HPS3: variants seen among roughly 807,000 people sequenced by gnomAD.
HPS3 encodes the protein BLOC-2 complex member HPS3.
In HPS3, 79 loss-of-function variants were observed where a neutral mutation model predicts 110.9. The ratio of observed to expected loss-of-function variants is 0.71; its 90% CI spans 0.59 to 0.86. The LOEUF is 0.86. HPS3 is among the 40% of genes least tolerant of loss of function. The pLI, the probability that HPS3 is intolerant of heterozygous loss-of-function variation, is 0.00. For missense variants in HPS3, 1,197 were observed against 1,206.2 expected, an observed-to-expected ratio of 0.99 and a Z score of 0.11; for synonymous variants, 428 against 451.0, an observed-to-expected ratio of 0.95 and a Z score of 0.65.
Position 149,172,229 on chromosome 3 carries a change from C to T in HPS3, c.*7C>T. On this transcript the variant is annotated 3_prime_UTR_variant, in exon 17 of 17. Coordinates refer to ENST00000296051, the MANE Select transcript of HPS3 (RefSeq NM_032383.5). ...AAAGAAACCATTGACTTAAAGGTATCATTTGAAAAATACCATAATGGCATT... is the reference window on the plus strand; with the variant it reads ...AAAGAAACCATTGACTTAAAGGTATTATTTGAAAAATACCATAATGGCATT... 6.3e-7 allele frequency: 1 copy of T among 1,599,434 alleles called. No individual in the cohort carries two copies. Among genetic ancestry groups the T allele is most frequent in the Non-Finnish European group, 8.5e-7 (1 of 1,170,672 alleles).
intron 5 of HPS3, among the ~76,000 whole-genome samples, chr3:149,149,319 C>T (rs185107928): frequency 2.2e-4 from 33 of 152,156 alleles, no homozygotes; most frequent in Admixed American, 1.9e-3. Context: ...GCGGTCATAG[C>T]TATTCTCATC....
intron 4 of HPS3, 139 bp downstream of exon 4, chr3:149,141,519 G>GC (rs1722453970): frequency 2.7e-6 from 1 of 368,672 alleles, no homozygotes; most frequent in Non-Finnish European, 4.9e-6. Context: ...CTTTAACAAA[G>GC]TTTTTTTTTT....
chr3:149,147,989 A>G (rs2177393), intron 5 of HPS3, among the ~76,000 whole-genome samples: 83,476 of 151,558 alleles, frequency 0.55, 23,446 homozygotes, highest in South Asian at 0.68. Context: ...TCCTGCCTCA[A>G]CCTCCCAAGT....
In HPS3 at chr3:149,157,548, G is replaced by T. The variant is rs188641060; in HGVS notation, c.1691+17G>T. Reference sequence around the variant, plus strand: ...TTACAGCAGGTGGGTGACACCTCTTGGAACCTTGTTACAGAAGTCATCTTG... The same window carrying T: ...TTACAGCAGGTGGGTGACACCTCTTTGAACCTTGTTACAGAAGTCATCTTG... On this transcript the variant is annotated intron_variant, in intron 9 of 16. Transcript: ENST00000296051. 77 of 1,612,132 alleles carry T rather than the reference G, an allele frequency of 4.8e-5. No homozygotes were observed. The East Asian group carries it at 1.6e-3, about 34-fold the overall frequency.
chr3:149,166,064 G>T (rs532728851), intron 14 of HPS3: 1 of 455,048 alleles, frequency 2.2e-6, no homozygotes, highest in Non-Finnish European at 4.4e-6. Context: ...TAGCAAAAAG[G>T]GTACAGGGAC....
rs2108168793 is a variant in HPS3 at position 149,162,338 on chromosome 3, G to T, written c.2292+5G>T. ...GAAGCAGATTCCTTTTTTAAGGTTT[G>T]TCACTTTGAAAATGTGATTTTTCTG... On this transcript the variant is annotated splice_donor_5th_base_variant and intron_variant, in intron 12 of 16. Coordinates refer to ENST00000296051, the MANE Select transcript of HPS3 (RefSeq NM_032383.5). The T allele has an allele frequency of 6.2e-7, 1 of 1,613,388 alleles. No homozygotes were observed. Among genetic ancestry groups the T allele is most frequent in the African/African-American group, 1.3e-5 (1 of 75,028 alleles).
At chr3:149,152,586 C>T (rs886210240) in intron 6 of HPS3, among the ~76,000 whole-genome samples, 1 of 152,176 alleles carries the variant, frequency 6.6e-6, no homozygotes, top group Non-Finnish European at 1.5e-5. Context: ...TTTAGCCCAC[C>T]TGCTGACTCA....
intron 13 of HPS3, 72 bp from the exon 14 acceptor site, chr3:149,163,770 T>A (rs1724125545): frequency 2.4e-6 from 2 of 823,990 alleles, no homozygotes; most frequent in Non-Finnish European, 4.2e-6. Flanking sequence ...ATGATTGCTT[T>A]GCTCTTTGTG....
At chr3:149,130,267 A>C (rs931322373) in intron 1 of HPS3, 1 of 424,016 alleles carries the variant, frequency 2.4e-6, no homozygotes, top group Non-Finnish European at 4.3e-6. Context: ...TCTTTAGTGC[A>C]TCAGATTTCA....
intron 5 of HPS3, among the ~76,000 whole-genome samples, chr3:149,149,120 ATT>A (rs777091621): frequency 1.9e-3 from 263 of 136,522 alleles, no homozygotes; most frequent in African/African-American, 6.5e-3. Flanking sequence ...CGCCCAGCTA[ATT>A]TTTTTTTTTT....
At position 149,145,348 on chromosome 3, in the gene HPS3, A is replaced by G. The variant is rs774178297; in HGVS notation, c.971-6A>G. On this transcript the variant is annotated splice_polypyrimidine_tract_variant and splice_region_variant and intron_variant, in intron 4 of 16. Coordinates refer to ENST00000296051, the MANE Select transcript of HPS3 (RefSeq NM_032383.5). ...GGTGTTTTATTTCTTTCATTTTTGCATGCAGGTTCTCTTACATCTGATGGA... is the reference window on the plus strand; with the variant it reads ...GGTGTTTTATTTCTTTCATTTTTGCGTGCAGGTTCTCTTACATCTGATGGA... 2.6e-5 allele frequency: 42 copies of G among 1,604,560 alleles called. 1 individual carries two copies. The South Asian group carries it at 4.2e-4, about 16-fold the overall frequency.
At chr3:149,146,901 A>G (rs971352927) in intron 5 of HPS3, among the ~76,000 whole-genome samples, 3 of 152,244 alleles carry the variant, frequency 2.0e-5, no homozygotes, top group African/African-American at 7.2e-5. Flanking sequence ...AGTTTTAACC[A>G]GAGAAAGTAA....
At position 149,151,587 on chromosome 3, in the gene HPS3, T is replaced by TAAAAA. The variant is rs1167453087; in HGVS notation, c.1245+932_1245+936dup. ...AGTGAGAAGTAAAGTGCTTGGTTTC[T>TAAAAA]AAAAAAAAAAAAAAAAAAAAAAAAA... On this transcript the variant is annotated intron_variant, in intron 6 of 16. Transcript: ENST00000296051. Among the ~76,000 whole-genome samples, 49 of 40,338 alleles carry TAAAAA rather than the reference T, an allele frequency of 1.2e-3. 6 individuals carry two copies. Among genetic ancestry groups the TAAAAA allele is most frequent in the South Asian group, 9.7e-3 (8 of 822 alleles). 26.5% of individuals were successfully genotyped at this position (40,338 alleles called of 152,430 possible).
At chr3:149,148,947 G>GC (rs1475056593) in intron 5 of HPS3, among the ~76,000 whole-genome samples, 1 of 129,740 alleles carries the variant, frequency 7.7e-6, no homozygotes, top group African/African-American at 3.0e-5. Flanking sequence ...AGGGAACCCT[G>GC]CCTTTTTTTT....
Position 149,162,208 on chromosome 3 carries a change from C to G in HPS3, c.2167C>G (p.Gln723Glu), listed in dbSNP as rs866231304. The part of the protein sequence containing the change: ...PRLLIQQRKG[Q>E]IVPTELALHL... ...GCTGTTGATTCAACAGAGAAAGGGA[C>G]AGATTGTTCCAACCGAGCTTGCACT... is the stretch of plus-strand genomic sequence containing the variant. The change falls in exon 12 of 17, where the codon CAG (glutamine) becomes GAG (glutamate). Residue 723 changes from glutamine (Q) to glutamate (E), a missense_variant. Physicochemically the swap from Gln to Glu is conservative, Grantham distance 29. Coordinates refer to ENST00000296051, the MANE Select transcript of HPS3 (RefSeq NM_032383.5). 4 of 1,613,996 alleles carry G rather than the reference C, an allele frequency of 2.5e-6. No homozygotes were observed. The East Asian group carries it at 8.9e-5, about 36-fold the overall frequency.
Position 149,172,998 on chromosome 3 carries a change from T to A in HPS3, c.*776T>A, listed in dbSNP as rs1276725884. On this transcript the variant is annotated 3_prime_UTR_variant, in exon 17 of 17. Coordinates refer to ENST00000296051, the MANE Select transcript of HPS3 (RefSeq NM_032383.5). ...CATTTATAACTTTTTGTTTAAAAAATTTTTAGTTCAAGTTTAGTTCATTGA... is the reference window on the plus strand; with the variant it reads ...CATTTATAACTTTTTGTTTAAAAAAATTTTAGTTCAAGTTTAGTTCATTGA... The A allele has an allele frequency of 1.3e-5, 2 of 152,644 alleles. No individual in the cohort carries two copies. The highest frequency in any genetic ancestry group is 4.8e-5 in the African/African-American group (2 of 41,470). 9.5% of individuals were successfully genotyped at this position (152,644 alleles called of 1,614,324 possible).
chr3:149,132,884 G>A (rs1721859779), intron 1 of HPS3, among the ~76,000 whole-genome samples: 1 of 152,216 alleles, frequency 6.6e-6, no homozygotes, highest in East Asian at 1.9e-4. Flanking sequence ...GGATGACTTT[G>A]AGGGGTTCAA....
chr3:149,161,570 C>T (rs1049087858), intron 11 of HPS3, among the ~76,000 whole-genome samples: 4 of 136,960 alleles, frequency 2.9e-5, no homozygotes, highest in African/African-American at 5.6e-5. Flanking sequence ...AGTGCAGTGG[C>T]GCAATCTCAG....
intron 6 of HPS3, among the ~76,000 whole-genome samples, chr3:149,151,521 C>T (rs796474835): frequency 2.3e-5 from 3 of 132,964 alleles, no homozygotes; most frequent in South Asian, 2.4e-4. Flanking sequence ...TATACTTAAT[C>T]GAAGAGTTAA....
Sources: allele counts gnomAD v4.1 joint callset (sites outside exome capture counted in the v4.1 genomes callset), GRCh38; gene constraint gnomAD v4.1.1; transcripts MANE v1.5; gene names NCBI Gene and HGNC (gene_info 2026-07-23, HGNC 2026-07-21).